DCC: variants seen among roughly 807,000 people sequenced by gnomAD.
The protein encoded by DCC is DCC netrin 1 receptor, also known as netrin receptor DCC.
DCC carries 58 observed loss-of-function variants against 172.5 expected under a neutral mutation model. The ratio of observed to expected loss-of-function variants is 0.34; its 90% CI spans 0.27 to 0.42. The LOEUF (loss-of-function observed/expected upper bound fraction) is 0.42, where lower values mean the gene tolerates loss of function less well. Ranked by LOEUF, DCC falls within the 10% of genes least tolerant of loss-of-function variation. The probability of loss-of-function intolerance (pLI) is 1.00; values close to 1 mark genes in which losing one functional copy is unlikely to be tolerated. For synonymous variants in DCC, 709 were observed against 644.5 expected (o/e 1.10, Z -1.52); for missense variants, 1,740 against 1,791.0 (o/e 0.97, Z 0.51).
intron 2 of DCC, among the ~76,000 whole-genome samples, chr18:52,859,087 A>G (rs563018525): frequency 1.6e-4 from 25 of 152,234 alleles, no homozygotes; most frequent in Non-Finnish European, 2.9e-4. Context: ...AATTACTTGA[A>G]CCCAGGAGTT....
At chr18:52,391,282 C>A (rs1221492551) in intron 1 of DCC, among the ~76,000 whole-genome samples, 1 of 151,964 alleles carries the variant, frequency 6.6e-6, no homozygotes, top group East Asian at 1.9e-4. Flanking sequence ...CTTAGAAGGA[C>A]CCTCAAATGT....
At chr18:53,494,255 A>G (rs528022034) in intron 26 of DCC, among the ~76,000 whole-genome samples, 9 of 152,224 alleles carry the variant, frequency 5.9e-5, no homozygotes, top group Non-Finnish European at 1.2e-4. Flanking sequence ...TATATGGTCA[A>G]TTTTAGAATA....
chr18:52,997,007 A>G (rs2041492879), intron 5 of DCC, among the ~76,000 whole-genome samples: 4 of 152,112 alleles, frequency 2.6e-5, no homozygotes, highest in Admixed American at 1.3e-4. Flanking sequence ...AAAAGGAGCT[A>G]ATGCTCATCC....
At chr18:53,172,640 G>A (rs989005882) in intron 8 of DCC, among the ~76,000 whole-genome samples, 1 of 152,008 alleles carries the variant, frequency 6.6e-6, no homozygotes, top group Admixed American at 6.6e-5. Context: ...AGGCAAATAT[G>A]GCCTTTGATA....
chr18:52,398,451 C>A (rs58722158), intron 1 of DCC, among the ~76,000 whole-genome samples: 3,258 of 152,020 alleles, frequency 0.021, 88 homozygotes, highest in South Asian at 0.095. Context: ...CATTTTGTGA[C>A]ATCCTTTGTA....
intron 1 of DCC, among the ~76,000 whole-genome samples, chr18:52,678,261 T>G (rs1458509594): frequency 3.3e-5 from 5 of 152,140 alleles, no homozygotes; most frequent in Admixed American, 3.3e-4. Context: ...CAAATAGTGC[T>G]GCTGCCGTCT....
intron 8 of DCC, 23 bp from the exon 9 acceptor site, chr18:53,178,939 T>A (rs768898464): frequency 1.2e-6 from 2 of 1,613,838 alleles, no homozygotes; most frequent in South Asian, 2.2e-5. Context: ...GAATAATCTT[T>A]CTCTGCAACT....
chr18:52,582,123 C>A lies in DCC; in HGVS notation c.92-169931C>A, dbSNP rs75645409. Among the ~76,000 whole-genome samples, 422 of 152,240 alleles carry A rather than the reference C, an allele frequency of 2.8e-3. 20 individuals are homozygous for A. In the East Asian group the frequency reaches 0.072, roughly 26 times the overall value. ...TCATAAATACACACATGTGATTGTG[C>A]ACATAGTATGGTTATCATTTCTGAA... is the stretch of plus-strand genomic sequence containing the variant. On this transcript the variant is annotated intron_variant, in intron 1 of 28. Transcript: ENST00000442544.
At chr18:53,342,653 G>T (rs2057673670) in intron 15 of DCC, among the ~76,000 whole-genome samples, 2 of 148,564 alleles carry the variant, frequency 1.3e-5, no homozygotes, top group Admixed American at 6.8e-5. Context: ...CAAATGTAAA[G>T]GTCTTCAATG....
rs1437929464 is a variant in DCC, at chr18:52,962,342, A to C, written c.985+36972A>C. ...AAGAAGACATTTATGCAGCCAAAAAACACATGAAAAAATGCTCATCATCAC... is the reference window on the plus strand; with the variant it reads ...AAGAAGACATTTATGCAGCCAAAAACCACATGAAAAAATGCTCATCATCAC... On this transcript the variant is annotated intron_variant, in intron 5 of 28. Coordinates refer to ENST00000442544, the MANE Select transcript of DCC (RefSeq NM_005215.4). Among the ~76,000 whole-genome samples, 4 of 151,270 alleles carry C rather than the reference A, an allele frequency of 2.6e-5. No homozygotes were observed. The East Asian group carries it at 5.8e-4, about 22-fold the overall frequency.
intron 1 of DCC, among the ~76,000 whole-genome samples, chr18:52,470,103 A>C (rs1311414316): frequency 6.6e-6 from 1 of 152,218 alleles, no homozygotes; most frequent in Non-Finnish European, 1.5e-5. Flanking sequence ...GAAACAGATA[A>C]AAAGAATATT....
At chr18:53,417,451 T>TA (rs113115529) in intron 21 of DCC, among the ~76,000 whole-genome samples, 25 of 152,018 alleles carry the variant, frequency 1.6e-4, no homozygotes, top group Middle Eastern at 3.4e-3. Context: ...ATGAGATTTG[T>TA]AAAAAATATT....
At chr18:53,018,527 CTTCAA>C (rs2041838780) in intron 5 of DCC, among the ~76,000 whole-genome samples, 1 of 152,104 alleles carries the variant, frequency 6.6e-6, no homozygotes, top group African/African-American at 2.4e-5. Context: ...ATTTTTGATA[CTTCAA>C]TTTAAATATC....
At chr18:52,638,768 A>G (rs187423401) in intron 1 of DCC, among the ~76,000 whole-genome samples, 13 of 152,302 alleles carry the variant, frequency 8.5e-5, no homozygotes, top group African/African-American at 2.6e-4. Context: ...AGGGACTTCA[A>G]TACTCCACCA....
intron 22 of DCC, among the ~76,000 whole-genome samples, chr18:53,447,560 G>A (rs1912695164): frequency 6.6e-6 from 1 of 152,056 alleles, no homozygotes; most frequent in South Asian, 2.1e-4. Flanking sequence ...GTAGAAATTT[G>A]AGTAATTTCA....
intron 8 of DCC, among the ~76,000 whole-genome samples, chr18:53,162,600 T>C (rs7226571): frequency 0.42 from 63,822 of 151,992 alleles, 14,189 homozygotes; most frequent in East Asian, 0.71. Flanking sequence ...TCCTAAATAT[T>C]CAAGAATCTT....
chr18:52,751,377 C>G (rs938217501), intron 1 of DCC, among the ~76,000 whole-genome samples: 3 of 152,104 alleles, frequency 2.0e-5, no homozygotes, highest in Admixed American at 1.3e-4. Context: ...TCTTTATGTT[C>G]ATTTACGTTT....
In DCC at chr18:52,507,024, C is replaced by T. The variant is rs560817427; in HGVS notation, c.91+166146C>T. ...TCTAAAAGAGAGCTTTGGAATGAAT[C>T]CAAAGATGATATATTGCAAAATGCA... is the stretch of plus-strand genomic sequence containing the variant. On this transcript the variant is annotated intron_variant, in intron 1 of 28. Coordinates refer to ENST00000442544, the MANE Select transcript of DCC (RefSeq NM_005215.4). 2.6e-5 allele frequency among the ~76,000 whole-genome samples: 4 copies of T among 151,864 alleles called. No individual in the cohort carries two copies. The East Asian group carries it at 7.8e-4, about 29-fold the overall frequency.
chr18:52,635,328 C>A (rs971614169), intron 1 of DCC, among the ~76,000 whole-genome samples: 4 of 152,196 alleles, frequency 2.6e-5, no homozygotes, highest in Non-Finnish European at 5.9e-5. Flanking sequence ...AATGAACAAC[C>A]TTTGCCCTAC....
Sources: gnomAD v4.1 joint callset for allele counts (sites outside exome capture counted in the v4.1 genomes callset) on GRCh38, gnomAD v4.1.1 for gene constraint, MANE v1.5 for transcripts, NCBI Gene and HGNC (gene_info 2026-07-23, HGNC 2026-07-21) for gene names.